Variants in SCAF8 observed in about 807,000 individuals in gnomAD.
The protein encoded by SCAF8 is SR-related and CTD-associated factor 8.
Under a neutral mutation model 140.5 loss-of-function variants are expected in SCAF8, and 23 were observed. The ratio of observed to expected loss-of-function variants is 0.16; its 90% confidence interval spans 0.12 to 0.23. The LOEUF is 0.23. Ranked by LOEUF, SCAF8 falls within the 10% of genes least tolerant of loss-of-function variation. SCAF8 has a pLI of 1.00. For missense variants in SCAF8, 1,397 were observed against 1,555.7 expected, an observed-to-expected ratio of 0.90 and a Z score of 1.72; for synonymous variants, 575 against 528.9, an observed-to-expected ratio of 1.09 and a Z score of -1.20.
At chr6:154,808,459 A>AT (rs60459651) in intron 10 of SCAF8, among the ~76,000 whole-genome samples, 3,749 of 147,342 alleles carry the variant, frequency 0.025, 71 homozygotes, top group African/African-American at 0.054. Flanking sequence ...TGTTTTTGCG[A>AT]TTTTTTTTTT....
chr6:154,832,584 C>A lies in SCAF8; in HGVS notation c.3005C>A (p.Pro1002Gln), dbSNP rs767898748. 3.7e-6 allele frequency: 6 copies of A among 1,614,016 alleles called. No homozygotes were observed. The highest frequency in any genetic ancestry group is 3.3e-5 in the South Asian group (3 of 91,064). ...GTTACTAACCCAGAAAAAAGGATACCACTTGGGAATGATAACATTCAACAG... is the reference window on the plus strand; with the variant it reads ...GTTACTAACCCAGAAAAAAGGATACAACTTGGGAATGATAACATTCAACAG... ...DNVTNPEKRI[P>Q]LGNDNIQQEG... Residue 1002 changes from proline (P) to glutamine (Q), a missense_variant, in exon 20 of 20, where the codon CCA becomes CAA. Physicochemically the swap from Pro to Gln is moderately conservative, Grantham distance 76 (BLOSUM62 -1). Coordinates refer to ENST00000367178, the MANE Select transcript of SCAF8 (RefSeq NM_014892.5).
intron 3 of SCAF8, among the ~76,000 whole-genome samples, chr6:154,787,287 G>C (rs1395666414): frequency 3.9e-5 from 6 of 152,226 alleles, no homozygotes; most frequent in South Asian, 2.1e-4. Flanking sequence ...GAGCCTGAGA[G>C]GTCGGGGTTG....
At chr6:154,783,793 T>A (rs900665207) in intron 3 of SCAF8, among the ~76,000 whole-genome samples, 5 of 152,062 alleles carry the variant, frequency 3.3e-5, no homozygotes, top group African/African-American at 1.2e-4. Context: ...GTTAGCTAGG[T>A]GCAGTGGCTC....
chr6:154,740,601 G>A (rs1231746666), intron 1 of SCAF8, among the ~76,000 whole-genome samples: 1 of 150,412 alleles, frequency 6.6e-6, no homozygotes, highest in East Asian at 2.0e-4. Context: ...GTGAAGTAAA[G>A]ATTTTCTTTT....
intron 1 of SCAF8, among the ~76,000 whole-genome samples, chr6:154,748,118 A>G (rs946325749): frequency 6.6e-6 from 1 of 152,146 alleles, no homozygotes; most frequent in Admixed American, 6.6e-5. Context: ...GTGAAGTGTA[A>G]TATTTATTTG....
In SCAF8 at chr6:154,833,561, A is replaced by G. The variant is rs1778815432; in HGVS notation, c.*166A>G. On this transcript the variant is annotated 3_prime_UTR_variant, in exon 20 of 20. Coordinates refer to ENST00000367178, the MANE Select transcript of SCAF8 (RefSeq NM_014892.5). ...ATAATTGTACAACTGACTTGTATAGACATTGTTCTTAATATGAACATGGTA... is the reference window on the plus strand; with the variant it reads ...ATAATTGTACAACTGACTTGTATAGGCATTGTTCTTAATATGAACATGGTA... 1 of 614,634 alleles carries G rather than the reference A, an allele frequency of 1.6e-6. No homozygotes were observed. Among genetic ancestry groups the G allele is most frequent in the Non-Finnish European group, 2.7e-6 (1 of 376,042 alleles). The allele number at this position is 614,634 out of a possible 1,614,324, so 38.1% of individuals were successfully genotyped here.
intron 1 of SCAF8, among the ~76,000 whole-genome samples, chr6:154,744,782 A>G (rs1359230546): frequency 6.6e-6 from 1 of 152,228 alleles, no homozygotes; most frequent in Non-Finnish European, 1.5e-5. Context: ...ATAGAAAAAT[A>G]GTAAGAATGA....
chr6:154,807,164 A>G (rs1297366966), intron 9 of SCAF8, among the ~76,000 whole-genome samples: 1 of 152,190 alleles, frequency 6.6e-6, no homozygotes, highest in Non-Finnish European at 1.5e-5. Context: ...CAAGCTTGTA[A>G]TTAGCACCAT....
chr6:154,811,103 C>G (rs181745194), intron 12 of SCAF8, among the ~76,000 whole-genome samples: 81 of 152,208 alleles, frequency 5.3e-4, no homozygotes, highest in African/African-American at 1.9e-3. Flanking sequence ...TGAATTTTAC[C>G]TGGTTGTGAG....
intron 12 of SCAF8, among the ~76,000 whole-genome samples, chr6:154,814,560 T>A (rs1315470230): frequency 6.6e-6 from 1 of 152,176 alleles, no homozygotes; most frequent in Non-Finnish European, 1.5e-5. Flanking sequence ...TCAGTAGTGA[T>A]CTTGCCAAGG....
intron 17 of SCAF8, among the ~76,000 whole-genome samples, chr6:154,825,577 G>A (rs1411040265): frequency 2.1e-5 from 3 of 142,084 alleles, no homozygotes; most frequent in Non-Finnish European, 3.0e-5. Flanking sequence ...GGAGGCTTGA[G>A]CCCAGGAGGT....
intron 1 of SCAF8, among the ~76,000 whole-genome samples, chr6:154,738,286 C>G (rs915208505): frequency 4.6e-5 from 7 of 152,068 alleles, no homozygotes; most frequent in Non-Finnish European, 8.8e-5. Flanking sequence ...TCCCAGACTT[C>G]ATGCAAGATA....
chr6:154,797,871 T>G (rs1410754545), intron 6 of SCAF8, among the ~76,000 whole-genome samples: 4 of 151,602 alleles, frequency 2.6e-5, no homozygotes, highest in Non-Finnish European at 5.9e-5. Flanking sequence ...TCTAAATTAA[T>G]GTAAGTATTC....
At chr6:154,736,104 T>C (rs1340250174) in intron 1 of SCAF8, among the ~76,000 whole-genome samples, 1 of 151,778 alleles carries the variant, frequency 6.6e-6, no homozygotes, top group East Asian at 1.9e-4. Context: ...GGATGACAGA[T>C]GTGAGCCACC....
chr6:154,797,450 C>T (rs1331711022), intron 6 of SCAF8, among the ~76,000 whole-genome samples: 1 of 151,214 alleles, frequency 6.6e-6, no homozygotes, highest in African/African-American at 2.4e-5. Context: ...GGCTGTAGTA[C>T]AGTGGTGCAA....
At chr6:154,758,104 G>A (rs2114819189) in intron 1 of SCAF8, among the ~76,000 whole-genome samples, 1 of 152,048 alleles carries the variant, frequency 6.6e-6, no homozygotes, top group South Asian at 2.1e-4. Context: ...TAAAGACAGG[G>A]TTTCACCATG....
At chr6:154,785,638 C>T (rs1777230335) in intron 3 of SCAF8, among the ~76,000 whole-genome samples, 1 of 152,006 alleles carries the variant, frequency 6.6e-6, no homozygotes, top group Admixed American at 6.6e-5. Flanking sequence ...ATTAATATCA[C>T]TTTTTAGTAG....
chr6:154,785,356 G>T (rs903165795), intron 3 of SCAF8, among the ~76,000 whole-genome samples: 1 of 152,160 alleles, frequency 6.6e-6, no homozygotes, highest in Non-Finnish European at 1.5e-5. Context: ...CATTTCTGTA[G>T]GAGTGGAATT....
At chr6:154,771,616 T>C (rs1776770311) in intron 1 of SCAF8, among the ~76,000 whole-genome samples, 1 of 152,172 alleles carries the variant, frequency 6.6e-6, no homozygotes, top group African/African-American at 2.4e-5. Context: ...AAAAGATAGC[T>C]GTATTTTAAG....
Sources: allele counts gnomAD v4.1 joint callset (sites outside exome capture counted in the v4.1 genomes callset), GRCh38; gene constraint gnomAD v4.1.1; transcripts MANE v1.5; gene names NCBI Gene and HGNC (gene_info 2026-07-23, HGNC 2026-07-21).